Variants in HCRTR2 observed in about 807,000 individuals in gnomAD.
HCRTR2 encodes hypocretin receptor 2, also known as orexin receptor type 2.
In HCRTR2, 22 loss-of-function variants were observed where a neutral mutation model predicts 49.0. The observed-to-expected ratio is 0.45, with a 90% CI of 0.32 to 0.64. The LOEUF is 0.64. HCRTR2 is among the 30% of genes least tolerant of loss of function. The pLI is 0.04. For missense variants in HCRTR2, 491 were observed against 559.4 expected, an observed-to-expected ratio of 0.88 and a Z score of 1.23; for synonymous variants, 236 against 205.3, an observed-to-expected ratio of 1.15 and a Z score of -1.28.
intron 1 of HCRTR2, among the ~76,000 whole-genome samples, chr6:55,182,845 G>A (rs993614250): frequency 1.3e-5 from 2 of 152,064 alleles, no homozygotes; most frequent in African/African-American, 2.4e-5. Context: ...CAATCATATC[G>A]TATCAACCTA....
intron 1 of HCRTR2, among the ~76,000 whole-genome samples, chr6:55,241,957 C>T: frequency 6.7e-6 from 1 of 149,850 alleles, no homozygotes. Flanking sequence ...CAGCCTCCAC[C>T]TCCCGGGTTC....
intron 1 of HCRTR2, among the ~76,000 whole-genome samples, chr6:55,143,301 T>G (rs1764534740): frequency 6.6e-6 from 1 of 152,124 alleles, no homozygotes; most frequent in South Asian, 2.1e-4. Flanking sequence ...ATGTCTTCTT[T>G]TGTATTTTTC....
At chr6:55,112,093 TC>T (rs1297268655) in intron 1 of HCRTR2, among the ~76,000 whole-genome samples, 2 of 151,812 alleles carry the variant, frequency 1.3e-5, no homozygotes, top group African/African-American at 2.4e-5. Flanking sequence ...AAATTCAGCA[TC>T]CCTTTATGAT....
chr6:55,277,274 C>T, intron 4 of HCRTR2, 106 bp from the exon 5 acceptor site: 1 of 899,840 alleles, frequency 1.1e-6, no homozygotes, highest in Non-Finnish European at 1.8e-6. Context: ...ACCTCCCACA[C>T]CTCAGGCGTC....
chr6:55,234,831 A>G (rs1345295339), intron 1 of HCRTR2, among the ~76,000 whole-genome samples: 2 of 152,200 alleles, frequency 1.3e-5, no homozygotes, highest in Non-Finnish European at 2.9e-5. Context: ...TATGATAGCA[A>G]TTTCACTGTT....
At chr6:55,179,979 G>C (rs1428631707) in intron 1 of HCRTR2, among the ~76,000 whole-genome samples, 1 of 152,108 alleles carries the variant, frequency 6.6e-6, no homozygotes, top group Non-Finnish European at 1.5e-5. Flanking sequence ...AAGGAATGCT[G>C]GCTTTATTAA....
intron 2 of HCRTR2, among the ~76,000 whole-genome samples, chr6:55,254,045 A>G (rs1766602831): frequency 6.6e-6 from 1 of 152,174 alleles, no homozygotes; most frequent in African/African-American, 2.4e-5. Flanking sequence ...GTTAAAAACA[A>G]AATATTTCTT....
At chr6:55,177,046 T>C (rs1765052697) in intron 1 of HCRTR2, among the ~76,000 whole-genome samples, 2 of 152,200 alleles carry the variant, frequency 1.3e-5, no homozygotes, top group South Asian at 2.1e-4. Flanking sequence ...CATATCCTAA[T>C]TGCATAGTTT....
intron 1 of HCRTR2, among the ~76,000 whole-genome samples, chr6:55,163,487 C>G (rs540772000): frequency 1.2e-3 from 177 of 152,238 alleles, no homozygotes; most frequent in South Asian, 2.3e-3. Context: ...CTACAACTCT[C>G]TGATTTTTGA....
chr6:55,138,800 T>C (rs1426594383), intron 1 of HCRTR2, among the ~76,000 whole-genome samples: 3 of 152,244 alleles, frequency 2.0e-5, no homozygotes, highest in Admixed American at 1.3e-4. Flanking sequence ...AACTTTGCTA[T>C]ATCTCTTTCC....
intron 1 of HCRTR2, among the ~76,000 whole-genome samples, chr6:55,158,502 G>C (rs1003956501): frequency 3.9e-5 from 6 of 152,136 alleles, no homozygotes; most frequent in South Asian, 2.1e-4. Context: ...GAACCCAGTG[G>C]TCTAGCTCGG....
At chr6:55,228,806 C>T (rs1038653765) in intron 1 of HCRTR2, among the ~76,000 whole-genome samples, 1 of 152,088 alleles carries the variant, frequency 6.6e-6, no homozygotes, top group African/African-American at 2.4e-5. Flanking sequence ...TTTACAAAGA[C>T]TTTTCAAGGT....
rs564664007 is a variant in HCRTR2 at position 55,244,875 on chromosome 6, A to G, written c.224-3764A>G. Among the ~76,000 whole-genome samples, 111 of 152,148 alleles carry G rather than the reference A, an allele frequency of 7.3e-4. 4 individuals are homozygous for G. In the South Asian group the frequency reaches 0.022, roughly 30 times the overall value. On this transcript the variant is annotated intron_variant, in intron 1 of 6. Coordinates refer to ENST00000370862, the MANE Select transcript of HCRTR2 (RefSeq NM_001384272.1). The stretch of plus-strand genomic sequence containing the variant: ...TATGGGTTTAGTTTTGTTCTTCCGC[A>G]TATGGCTAATCCAATTTTCCCAGCA...
rs182988988 is a variant in HCRTR2 at position 55,161,028 on chromosome 6, A to C, written c.-377-13183A>C. ...TCTCCACCCCAAATAAATAGAATATACATTATTCTCAGCACCACATTGCAC... is the reference window on the plus strand; with the variant it reads ...TCTCCACCCCAAATAAATAGAATATCCATTATTCTCAGCACCACATTGCAC... On this transcript the variant is annotated intron_variant, in intron 1 of 7. Transcript: ENST00000615358. 1.7e-4 allele frequency among the ~76,000 whole-genome samples: 26 copies of C among 152,324 alleles called. No individual in the cohort carries two copies. In the East Asian group the frequency reaches 4.8e-3, roughly 28 times the overall value.
intron 1 of HCRTR2, chr6:55,240,897 A>G: frequency 4.4e-6 from 1 of 225,080 alleles, no homozygotes; most frequent in Non-Finnish European, 9.1e-6. Context: ...GTTTTATTTC[A>G]CGTTCTCTTA....
Position 55,277,510 on chromosome 6 carries a change from C to A in HCRTR2, c.893C>A (p.Ala298Asp). The change falls in exon 5 of 7, where the codon GCC becomes GAC. Residue 298 changes from alanine (A) to aspartate (D), a missense_variant. Physicochemically the swap from Ala to Asp is moderately radical, Grantham distance 126. Coordinates refer to ENST00000370862, the MANE Select transcript of HCRTR2 (RefSeq NM_001384272.1). ...AVAAEIKQIR[A>D]RRKTARMLMI... ...GCGGCTGAAATAAAGCAGATCCGAGCCAGAAGGAAAACAGCCCGGATGTTG... is the reference window on the plus strand; with the variant it reads ...GCGGCTGAAATAAAGCAGATCCGAGACAGAAGGAAAACAGCCCGGATGTTG... The A allele has an allele frequency of 6.2e-7, 1 of 1,614,028 alleles. No homozygotes were observed. Among genetic ancestry groups the A allele is most frequent in the Non-Finnish European group, 8.5e-7 (1 of 1,179,982 alleles).
chr6:55,197,598 A>C (rs968039935), intron 1 of HCRTR2, among the ~76,000 whole-genome samples: 3 of 152,126 alleles, frequency 2.0e-5, no homozygotes, highest in Admixed American at 2.0e-4. Flanking sequence ...GCTGCTACTT[A>C]CCATAACCCT....
At chr6:55,137,725 C>T (rs559189281) in intron 1 of HCRTR2, among the ~76,000 whole-genome samples, 1 of 152,136 alleles carries the variant, frequency 6.6e-6, no homozygotes. Flanking sequence ...GAGCCTCAGG[C>T]TGGCCAACTA....
chr6:55,217,399 G>GT (rs982753693), intron 1 of HCRTR2, among the ~76,000 whole-genome samples: 3 of 152,078 alleles, frequency 2.0e-5, no homozygotes, highest in Admixed American at 6.6e-5. Context: ...TTTAAGTCAT[G>GT]TTTTTGCTCC....
Sources: gnomAD v4.1 joint callset for allele counts (sites outside exome capture counted in the v4.1 genomes callset) on GRCh38, gnomAD v4.1.1 for gene constraint, MANE v1.5 for transcripts, NCBI Gene and HGNC (gene_info 2026-07-23, HGNC 2026-07-21) for gene names.